The following ADGRL3 variants were observed in gnomAD, a reference collection of about 807,000 sequenced individuals.
The protein encoded by ADGRL3 is calcium-independent alpha-latrotoxin receptor 3.
A neutral mutation model predicts 153.5 loss-of-function variants in ADGRL3; 62 were observed. The observed-to-expected ratio is 0.40, with a 90% CI of 0.33 to 0.50. The LOEUF (loss-of-function observed/expected upper bound fraction) is 0.50. Ranked by LOEUF, ADGRL3 falls within the 20% of genes least tolerant of loss-of-function variation. ADGRL3 has a pLI of 0.47. For missense variants in ADGRL3, 1,641 were observed against 1,859.4 expected (o/e 0.88, Z 2.16); for synonymous variants, 710 against 672.5 (o/e 1.06, Z -0.86).
chr4:61,784,428 G>A (rs1237895891), intron 8 of ADGRL3, among the ~76,000 whole-genome samples: 1 of 121,994 alleles, frequency 8.2e-6, no homozygotes, highest in Non-Finnish European at 1.7e-5. Flanking sequence ...ATACATATTA[G>A]TTGACTCACT....
chr4:61,469,499 G>A (rs1163199630), intron 2 of ADGRL3, among the ~76,000 whole-genome samples: 4 of 151,918 alleles, frequency 2.6e-5, no homozygotes, highest in Non-Finnish European at 4.4e-5. Flanking sequence ...TTTGTGTGTG[G>A]GTAGGTGTGT....
chr4:61,678,082 A>T (rs1231663441), intron 6 of ADGRL3, among the ~76,000 whole-genome samples: 1 of 151,974 alleles, frequency 6.6e-6, no homozygotes. Context: ...CATTTAGGTT[A>T]TGCTTCTTAT....
intron 1 of ADGRL3, among the ~76,000 whole-genome samples, chr4:61,359,537 C>T (rs1457407915): frequency 6.6e-6 from 1 of 152,136 alleles, no homozygotes; most frequent in Non-Finnish European, 1.5e-5. Flanking sequence ...CACTTGTTTC[C>T]TCTGCCAGAA....
intron 1 of ADGRL3, among the ~76,000 whole-genome samples, chr4:61,289,021 T>TAC (rs2094059853): frequency 6.6e-6 from 1 of 151,948 alleles, no homozygotes; most frequent in Non-Finnish European, 1.5e-5. Flanking sequence ...TATTTATATA[T>TAC]ACACACACAA....
intron 9 of ADGRL3, among the ~76,000 whole-genome samples, chr4:61,815,983 A>T (rs1436947738): frequency 6.6e-6 from 1 of 152,222 alleles, no homozygotes; most frequent in Non-Finnish European, 1.5e-5. Context: ...TCACAAACGG[A>T]CTGAGATGGA....
intron 8 of ADGRL3, among the ~76,000 whole-genome samples, chr4:61,746,660 A>C (rs370296472): frequency 6.6e-6 from 1 of 152,138 alleles, no homozygotes; most frequent in Non-Finnish European, 1.5e-5. Flanking sequence ...TGAAACCAAC[A>C]AGAACAAAGA....
At chr4:61,695,354 C>T (rs978637203) in intron 6 of ADGRL3, among the ~76,000 whole-genome samples, 1 of 152,078 alleles carries the variant, frequency 6.6e-6, no homozygotes, top group African/African-American at 2.4e-5. Flanking sequence ...CATTAATGTC[C>T]TTGTACATTA....
At chr4:61,938,939 G>C (rs2098855483) in intron 15 of ADGRL3, among the ~76,000 whole-genome samples, 1 of 134,526 alleles carries the variant, frequency 7.4e-6, no homozygotes, top group Non-Finnish European at 1.6e-5. Context: ...TCTTCCACTT[G>C]ATTCTAAGGT....
chr4:61,442,001 A>C (rs2097533442), intron 2 of ADGRL3, among the ~76,000 whole-genome samples: 1 of 152,216 alleles, frequency 6.6e-6, no homozygotes, highest in South Asian at 2.1e-4. Context: ...TCATCTCAGT[A>C]TAACATGTAA....
At chr4:61,526,063 C>A (rs890444346) in intron 4 of ADGRL3, among the ~76,000 whole-genome samples, 2 of 152,042 alleles carry the variant, frequency 1.3e-5, no homozygotes, top group Non-Finnish European at 2.9e-5. Flanking sequence ...GGAAAAAATG[C>A]AAGCCATTGA....
At chr4:61,639,678 TA>T (rs1328337582) in intron 5 of ADGRL3, among the ~76,000 whole-genome samples, 1 of 152,192 alleles carries the variant, frequency 6.6e-6, no homozygotes, top group Non-Finnish European at 1.5e-5. Context: ...ATAGAGAGGT[TA>T]TAAAATTTCA....
At chr4:61,269,206 A>G (rs1239215273) in intron 1 of ADGRL3, among the ~76,000 whole-genome samples, 2 of 151,732 alleles carry the variant, frequency 1.3e-5, no homozygotes, top group African/African-American at 4.8e-5. Context: ...TAATTAGAAC[A>G]TCAAGGTAGA....
At chr4:61,350,343 GTTTT>G (rs34524532) in intron 1 of ADGRL3, among the ~76,000 whole-genome samples, 1 of 127,840 alleles carries the variant, frequency 7.8e-6, no homozygotes, top group African/African-American at 2.9e-5. Flanking sequence ...TCTGATGGAG[GTTTT>G]TTTTTTTTTT....
rs3065319 is a variant in ADGRL3 at position 61,238,442 on chromosome 4, GGTGT to G, written c.-240+36708_-240+36711del. Reference sequence around the variant, plus strand: ...TATTAAAGGGTAAATTCTAATGTGTGGTGTGTGTGTGTGTGTGTGTGTGTGTGTG... The same window carrying G: ...TATTAAAGGGTAAATTCTAATGTGTGGTGTGTGTGTGTGTGTGTGTGTGTG... On this transcript the variant is annotated intron_variant, in intron 1 of 26. Coordinates refer to ENST00000683033, the MANE Select transcript of ADGRL3 (RefSeq NM_001387552.1). 4.4e-3 allele frequency among the ~76,000 whole-genome samples: 642 copies of G among 147,384 alleles called. 4 individuals carry two copies. The highest frequency in any genetic ancestry group is 0.017 in the Middle Eastern group (5 of 290).
chr4:61,829,486 T>G (rs1239815567), intron 9 of ADGRL3, among the ~76,000 whole-genome samples: 1 of 152,228 alleles, frequency 6.6e-6, no homozygotes, highest in African/African-American at 2.4e-5. Context: ...ATTATGTTAA[T>G]GCCCGTATCT....
At chr4:61,721,504 G>A (rs1029028331) in intron 6 of ADGRL3, among the ~76,000 whole-genome samples, 2 of 152,136 alleles carry the variant, frequency 1.3e-5, no homozygotes, top group African/African-American at 2.4e-5. Flanking sequence ...TAGCCCCTGC[G>A]CTGGCAGCTG....
At chr4:61,666,683 G>T (rs2094809147) in intron 5 of ADGRL3, among the ~76,000 whole-genome samples, 1 of 152,046 alleles carries the variant, frequency 6.6e-6, no homozygotes, top group African/African-American at 2.4e-5. Flanking sequence ...TATAACATAT[G>T]CAATATATAA....
chr4:61,513,110 G>T (rs1402121143), intron 3 of ADGRL3, among the ~76,000 whole-genome samples: 2 of 152,160 alleles, frequency 1.3e-5, no homozygotes, highest in African/African-American at 4.8e-5. Flanking sequence ...TATAGAATTA[G>T]CCATTGTTTT....
chr4:61,543,060 G>A (rs1034741139), intron 4 of ADGRL3, among the ~76,000 whole-genome samples: 3 of 151,788 alleles, frequency 2.0e-5, no homozygotes, highest in Admixed American at 1.3e-4. Flanking sequence ...CACTATTATC[G>A]TTCTTCCCAA....
Sources: allele counts gnomAD v4.1 joint callset (sites outside exome capture counted in the v4.1 genomes callset), GRCh38; gene constraint gnomAD v4.1.1; transcripts MANE v1.5; gene names NCBI Gene and HGNC (gene_info 2026-07-23, HGNC 2026-07-21).